The following DLGAP2 variants were observed in gnomAD, a reference collection of about 807,000 sequenced individuals.
DLGAP2 encodes the protein disks large-associated protein 2.
Under a neutral mutation model 100.3 loss-of-function variants are expected in DLGAP2, and 26 were observed. That is an observed-to-expected ratio of 0.26 (90% CI 0.19 to 0.36). The LOEUF (loss-of-function observed/expected upper bound fraction) is 0.36, where lower values mean the gene tolerates loss of function less well. Ranked by LOEUF, DLGAP2 falls within the 10% of genes least tolerant of loss-of-function variation. The probability of loss-of-function intolerance (pLI) is 1.00; values close to 1 mark genes in which losing one functional copy is unlikely to be tolerated. For missense variants in DLGAP2, 1,858 were observed against 1,453.2 expected (o/e 1.28, Z -4.53); for synonymous variants, 886 against 630.1 (o/e 1.41, Z -6.08).
At chr8:1,133,195 C>G (rs1468586369) in intron 2 of DLGAP2, among the ~76,000 whole-genome samples, 1 of 152,186 alleles carries the variant, frequency 6.6e-6, no homozygotes, top group Non-Finnish European at 1.5e-5. Flanking sequence ...TTAAGCACTC[C>G]TGGGGCCAGC....
chr8:778,331 C>T (rs903380981), intron 1 of DLGAP2, among the ~76,000 whole-genome samples: 2 of 152,186 alleles, frequency 1.3e-5, no homozygotes, highest in Non-Finnish European at 2.9e-5. Context: ...CGTCTGAAGC[C>T]TTCTTCTCTC....
At chr8:1,474,030 ATCCTTCAC>A (rs1346823563) in intron 3 of DLGAP2, among the ~76,000 whole-genome samples, 1 of 152,062 alleles carries the variant, frequency 6.6e-6, no homozygotes, top group East Asian at 1.9e-4. Context: ...GTAGTCTTTT[ATCCTTCAC>A]CCCTTCCCCC....
chr8:1,430,039 C>CATATATATATATATATATATAT (rs1563142192), intron 3 of DLGAP2, among the ~76,000 whole-genome samples: 1 of 33,400 alleles, frequency 3.0e-5, no homozygotes, highest in Non-Finnish European at 7.9e-5. Flanking sequence ...CACACACACA[C>CATATATATATATATATATATAT]ATATGAACTT....
chr8:1,010,673 G>A (rs1321076922), intron 2 of DLGAP2, among the ~76,000 whole-genome samples: 1 of 152,226 alleles, frequency 6.6e-6, no homozygotes, highest in South Asian at 2.1e-4. Flanking sequence ...AGCCACCTGA[G>A]TGGTGTCATT....
At chr8:1,366,974 C>T (rs760207724) in intron 3 of DLGAP2, among the ~76,000 whole-genome samples, 6 of 149,494 alleles carry the variant, frequency 4.0e-5, no homozygotes, top group East Asian at 3.9e-4. Context: ...CACACACGCA[C>T]GTGACCACAG....
intron 6 of DLGAP2, among the ~76,000 whole-genome samples, chr8:1,585,764 C>G (rs1796097819): frequency 6.6e-6 from 1 of 152,150 alleles, no homozygotes; most frequent in Admixed American, 6.5e-5. Flanking sequence ...CACTCGCAGT[C>G]CATTCATTAA....
intron 2 of DLGAP2, among the ~76,000 whole-genome samples, chr8:1,229,061 C>G (rs1426479974): frequency 6.6e-6 from 1 of 152,154 alleles, no homozygotes; most frequent in South Asian, 2.1e-4. Context: ...GAAATAATAA[C>G]TGAATTCAGC....
In DLGAP2 at chr8:858,152, C is replaced by T. The variant is rs554099283; in HGVS notation, c.19-49760C>T. ...GATTACAGGCGTTAGCCACCGCGCC[C>T]AGTGCACATGAATGTTTATAGCAGC... On this transcript the variant is annotated intron_variant, in intron 1 of 14. Transcript: ENST00000637795. 4.6e-5 allele frequency among the ~76,000 whole-genome samples: 7 copies of T among 152,352 alleles called. No homozygotes were observed. In the South Asian group the frequency reaches 1.2e-3, roughly 27 times the overall value.
At chr8:1,334,289 G>C (rs772112023) in intron 3 of DLGAP2, among the ~76,000 whole-genome samples, 2 of 152,206 alleles carry the variant, frequency 1.3e-5, no homozygotes, top group Non-Finnish European at 2.9e-5. Context: ...ACCCCATGCA[G>C]CCCTGGCAGC....
intron 3 of DLGAP2, among the ~76,000 whole-genome samples, chr8:1,323,087 A>G (rs1036999215): frequency 6.6e-6 from 1 of 151,366 alleles, no homozygotes; most frequent in Admixed American, 6.6e-5. Context: ...CTGGAGTGCA[A>G]TGGCGTGATC....
At chr8:1,546,659 C>G (rs1219774786) in intron 4 of DLGAP2, among the ~76,000 whole-genome samples, 1 of 152,174 alleles carries the variant, frequency 6.6e-6, no homozygotes, top group African/African-American at 2.4e-5. Context: ...CTCTCACTCC[C>G]CATCACTCTG....
chr8:1,484,380 T>C (rs951845027), intron 3 of DLGAP2, among the ~76,000 whole-genome samples: 5 of 152,256 alleles, frequency 3.3e-5, no homozygotes, highest in Non-Finnish European at 7.3e-5. Context: ...GGACATGAGT[T>C]CCTTAGATCC....
At position 1,515,370 on chromosome 8, in the gene DLGAP2, A is replaced by C. The variant is rs1800332171; in HGVS notation, c.172+13939A>C. Among the ~76,000 whole-genome samples, 3 of 152,344 alleles carry C rather than the reference A, an allele frequency of 2.0e-5. No individual in the cohort carries two copies. The South Asian group carries it at 6.2e-4, about 32-fold the overall frequency. On this transcript the variant is annotated intron_variant, in intron 4 of 14. Coordinates refer to ENST00000637795, the MANE Select transcript of DLGAP2 (RefSeq NM_001346810.2). The stretch of plus-strand genomic sequence containing the variant: ...CCTTAAGACAGACAGGGCAGTCAGC[A>C]TACACATGCACATACATGAACACAC...
chr8:786,782 G>A (rs1174198033), intron 1 of DLGAP2, among the ~76,000 whole-genome samples: 1 of 152,012 alleles, frequency 6.6e-6, no homozygotes, highest in Non-Finnish European at 1.5e-5. Flanking sequence ...GGTATGAGTT[G>A]GAAGCATCAT....
At chr8:833,489 A>G (rs1796818242) in intron 1 of DLGAP2, among the ~76,000 whole-genome samples, 1 of 152,128 alleles carries the variant, frequency 6.6e-6, no homozygotes, top group Non-Finnish European at 1.5e-5. Flanking sequence ...CCCCACCTCC[A>G]TCTGCAAAGC....
Position 1,047,156 on chromosome 8 carries a change from C to G in DLGAP2, c.73+139190C>G, listed in dbSNP as rs1354677054. The stretch of plus-strand genomic sequence containing the variant: ...CAGTCACTGCCCATCATCTCCTTCC[C>G]CAGACCCTGGAAAACACCAGCAGAC... On this transcript the variant is annotated intron_variant, in intron 2 of 14. Coordinates refer to ENST00000637795, the MANE Select transcript of DLGAP2 (RefSeq NM_001346810.2). Among the ~76,000 whole-genome samples, 3 of 152,308 alleles carry G rather than the reference C, an allele frequency of 2.0e-5. No homozygotes were observed. The South Asian group carries it at 6.2e-4, about 32-fold the overall frequency.
intron 3 of DLGAP2, among the ~76,000 whole-genome samples, chr8:1,496,057 A>G (rs908539101): frequency 6.6e-6 from 1 of 152,152 alleles, no homozygotes. Flanking sequence ...TGCCTGATAC[A>G]TAGAGAATGT....
chr8:1,111,527 G>A (rs186149808), intron 2 of DLGAP2, among the ~76,000 whole-genome samples: 1 of 152,064 alleles, frequency 6.6e-6, no homozygotes, highest in South Asian at 2.1e-4. Flanking sequence ...CTACTCAATA[G>A]TTATATTTCA....
At chr8:1,414,234 G>T (rs774632710) in intron 3 of DLGAP2, among the ~76,000 whole-genome samples, 21 of 152,218 alleles carry the variant, frequency 1.4e-4, no homozygotes, top group Non-Finnish European at 2.5e-4. Flanking sequence ...AACTGGAATG[G>T]CAGGGGTGTT....
Sources: gnomAD v4.1 joint callset for allele counts (sites outside exome capture counted in the v4.1 genomes callset) on GRCh38, gnomAD v4.1.1 for gene constraint, MANE v1.5 for transcripts, NCBI Gene and HGNC (gene_info 2026-07-23, HGNC 2026-07-21) for gene names.